The following TUT7 variants were observed in gnomAD, a reference collection of about 807,000 sequenced individuals.
The protein encoded by TUT7 is terminal uridylyl transferase 7, also known as terminal uridylyltransferase 7.
In TUT7, 33 loss-of-function variants were observed where a neutral mutation model predicts 165.9. The ratio of observed to expected loss-of-function variants is 0.20; its 90% CI spans 0.15 to 0.27. TUT7 has a LOEUF of 0.27. Ranked by LOEUF, TUT7 falls within the 10% of genes least tolerant of loss-of-function variation. TUT7 has a pLI of 1.00. For missense variants in TUT7, 1,338 were observed against 1,762.3 expected (o/e 0.76, Z 4.31); for synonymous variants, 552 against 608.1 (o/e 0.91, Z 1.36).
At chr9:86,312,281 G>A (rs1267789923) in intron 17 of TUT7, among the ~76,000 whole-genome samples, 10 of 151,510 alleles carry the variant, frequency 6.6e-5, no homozygotes, top group East Asian at 2.0e-4. Context: ...CGCCCCGTCC[G>A]GGATGTGAGG....
rs150551274 is a variant in TUT7 at position 86,299,624 on chromosome 9, T to C, written c.4420+1652A>G. 2.1e-3 allele frequency among the ~76,000 whole-genome samples: 325 copies of C among 152,292 alleles called. 2 individuals carry two copies. The highest frequency in any genetic ancestry group is 7.7e-3 in the African/African-American group (319 of 41,574). On this transcript the variant is annotated intron_variant, in intron 26 of 26. Transcript: ENST00000375963. ...AAGTGCTCTTCCTTATGCTTGATAA[T>C]TCCCCTGCCACCCGGACTACCCGCC...
intron 24 of TUT7, among the ~76,000 whole-genome samples, chr9:86,303,561 CAT>C (rs1288144509): frequency 3.9e-5 from 6 of 152,034 alleles, no homozygotes; most frequent in Middle Eastern, 3.4e-3. Context: ...AAGGCTAAAA[CAT>C]AATGAATTGA....
chr9:86,319,744 T>C, intron 14 of TUT7, 74 bp from the exon 15 acceptor site: 6 of 1,019,348 alleles, frequency 5.9e-6, no homozygotes, highest in Non-Finnish European at 8.6e-6. Flanking sequence ...AAAAAATTTA[T>C]TTTTTAGAAA....
chr9:86,302,869 A>G (rs955765647), intron 25 of TUT7, among the ~76,000 whole-genome samples: 6 of 152,240 alleles, frequency 3.9e-5, no homozygotes, highest in Non-Finnish European at 8.8e-5. Flanking sequence ...TTGGCCTCCC[A>G]AAGTGCTGGG....
chr9:86,297,933 T>TTTTTTTTC, intron 26 of TUT7, among the ~76,000 whole-genome samples: 1 of 146,878 alleles, frequency 6.8e-6, no homozygotes, highest in Non-Finnish European at 1.5e-5. Context: ...TTTTTTTTTT[T>TTTTTTTTC]TTCAAATTTC....
At chr9:86,313,875 T>C (rs1449139255) in intron 17 of TUT7, among the ~76,000 whole-genome samples, 2 of 152,026 alleles carry the variant, frequency 1.3e-5, no homozygotes, top group Non-Finnish European at 2.9e-5. Flanking sequence ...GATCACATCA[T>C]AGAACACAGG....
rs778282169 is a variant in TUT7 at position 86,301,611 on chromosome 9, A to G, written c.4095-10T>C. The stretch of plus-strand genomic sequence containing the variant: ...TCGCCGCCGTCTTACTCTGTAGAAG[A>G]TATCATATTAGTAGCAAAAATCTAA... On this transcript the variant is annotated splice_polypyrimidine_tract_variant and intron_variant, in intron 25 of 26. Transcript: ENST00000375963. The G allele has an allele frequency of 2.5e-6, 4 of 1,593,000 alleles. No individual in the cohort carries two copies. The highest frequency in any genetic ancestry group is 1.1e-5 in the South Asian group (1 of 87,092).
chr9:86,300,523 G>T (rs1252109403), intron 26 of TUT7, among the ~76,000 whole-genome samples: 1 of 152,224 alleles, frequency 6.6e-6, no homozygotes, highest in Admixed American at 6.5e-5. Flanking sequence ...AAGTGAGAAT[G>T]TAAATTGCTT....
At position 86,303,701 on chromosome 9, in the gene TUT7, A is replaced by G. The variant is rs1445070172; in HGVS notation, c.3979-500T>C. ...AAGGAAAGATAATGGTCTAGCCTGT[A>G]GCCTCTTTGTACTAAAATTAAGGTG... On this transcript the variant is annotated intron_variant, in intron 24 of 26. Transcript: ENST00000375963. Among the ~76,000 whole-genome samples, 3 of 152,338 alleles carry G rather than the reference A, an allele frequency of 2.0e-5. No individual in the cohort carries two copies. In the East Asian group the frequency reaches 5.8e-4, roughly 29 times the overall value.
chr9:86,312,576 G>C (rs1828267165), intron 17 of TUT7, among the ~76,000 whole-genome samples: 1 of 152,068 alleles, frequency 6.6e-6, no homozygotes, highest in South Asian at 2.1e-4. Flanking sequence ...GAAGTGAGGA[G>C]CCCCTCTGCC....
At chr9:86,304,564 C>A (rs1827274388) in intron 24 of TUT7, among the ~76,000 whole-genome samples, 1 of 151,714 alleles carries the variant, frequency 6.6e-6, no homozygotes. Flanking sequence ...GGCAGAACAG[C>A]AATGCACCTA....
chr9:86,312,893 A>G (rs1174373562), intron 17 of TUT7, among the ~76,000 whole-genome samples: 3 of 152,006 alleles, frequency 2.0e-5, no homozygotes, highest in African/African-American at 7.2e-5. Context: ...GTGCTTTGTT[A>G]AACAGATGCT....
At chr9:86,334,588 G>C (rs1005154448) in intron 10 of TUT7, among the ~76,000 whole-genome samples, 4 of 152,126 alleles carry the variant, frequency 2.6e-5, no homozygotes. Context: ...TTGTCTGATG[G>C]ATCCAAAAAG....
rs563625347 is a variant in TUT7 at position 86,340,720 on chromosome 9, A to G, written c.1138+282T>C. On this transcript the variant is annotated intron_variant, in intron 7 of 26. Coordinates refer to ENST00000375963, the MANE Select transcript of TUT7 (RefSeq NM_024617.4). ...ATCCTTCAGTTTTACCCTCAAGAGT[A>G]CATTTTACATATTTTGCATTTCTTA... is the stretch of plus-strand genomic sequence containing the variant. Among the ~76,000 whole-genome samples the G allele has an allele frequency of 4.3e-4, 65 of 152,358 alleles. 1 individual carries two copies. The South Asian group carries it at 0.012, about 28-fold the overall frequency.
At chr9:86,317,362 A>C in intron 16 of TUT7, 86 bp from the exon 17 acceptor site, 1 of 1,085,028 alleles carries the variant, frequency 9.2e-7, no homozygotes, top group Non-Finnish European at 1.4e-6. Flanking sequence ...CTTCAGAAAT[A>C]ATGTAATTAA....
At chr9:86,326,677 A>G (rs1829823032) in intron 11 of TUT7, among the ~76,000 whole-genome samples, 1 of 152,220 alleles carries the variant, frequency 6.6e-6, no homozygotes, top group African/African-American at 2.4e-5. Flanking sequence ...CAACTCCTGT[A>G]TATTACAAGA....
intron 10 of TUT7, among the ~76,000 whole-genome samples, chr9:86,335,682 G>A (rs1020552342): frequency 1.3e-5 from 2 of 152,152 alleles, no homozygotes; most frequent in African/African-American, 2.4e-5. Flanking sequence ...GACCTCATTG[G>A]ATTTTCTGCA....
At chr9:86,299,168 A>G (rs1250925305) in intron 26 of TUT7, among the ~76,000 whole-genome samples, 2 of 152,128 alleles carry the variant, frequency 1.3e-5, no homozygotes, top group Non-Finnish European at 2.9e-5. Flanking sequence ...GATGACAGAC[A>G]CGCCTCCTTC....
chr9:86,296,347 C>T (rs1282932697), intron 26 of TUT7, among the ~76,000 whole-genome samples: 1 of 152,172 alleles, frequency 6.6e-6, no homozygotes, highest in Admixed American at 6.5e-5. Flanking sequence ...TGTTCTTGAC[C>T]ATTCTCCTGC....
Sources: gnomAD v4.1 joint callset for allele counts (sites outside exome capture counted in the v4.1 genomes callset) on GRCh38, gnomAD v4.1.1 for gene constraint, MANE v1.5 for transcripts, NCBI Gene and HGNC (gene_info 2026-07-23, HGNC 2026-07-21) for gene names.